Variants in PPP1R9A observed in about 807,000 individuals in gnomAD.
The protein encoded by PPP1R9A is neurabin-1.
In PPP1R9A, 59 loss-of-function variants were observed where a neutral mutation model predicts 141.9. That is an observed-to-expected ratio of 0.42 (90% CI 0.34 to 0.52). The LOEUF (loss-of-function observed/expected upper bound fraction) is 0.52, where lower values mean the gene tolerates loss of function less well. Ranked by LOEUF, PPP1R9A falls within the 20% of genes least tolerant of loss-of-function variation. The probability of loss-of-function intolerance (pLI) is 0.10; values close to 1 mark genes in which losing one functional copy is unlikely to be tolerated. For synonymous variants in PPP1R9A, 500 were observed against 569.7 expected, an observed-to-expected ratio of 0.88 and a Z score of 1.74; for missense variants, 1,444 against 1,611.9, an observed-to-expected ratio of 0.90 and a Z score of 1.78.
At chr7:95,130,767 T>A (rs986744752) in intron 4 of PPP1R9A, among the ~76,000 whole-genome samples, 17 of 152,034 alleles carry the variant, frequency 1.1e-4, no homozygotes, top group Admixed American at 3.3e-4. Flanking sequence ...TCAAAGGAGA[T>A]CATTTTGGAA....
At chr7:94,954,058 C>G (rs1440342349) in intron 2 of PPP1R9A, among the ~76,000 whole-genome samples, 1 of 152,018 alleles carries the variant, frequency 6.6e-6, no homozygotes, top group Non-Finnish European at 1.5e-5. Context: ...GGGAATGCTT[C>G]CAGTTTTGGG....
chr7:95,287,207 GA>G, intron 18 of PPP1R9A: 2 of 1,531,386 alleles, frequency 1.3e-6, no homozygotes, highest in South Asian at 2.2e-5. Context: ...CTTTGGAGAT[GA>G]CTGAAAAATC....
chr7:95,174,012 G>A (rs1041790149), intron 5 of PPP1R9A, among the ~76,000 whole-genome samples: 5 of 151,928 alleles, frequency 3.3e-5, no homozygotes, highest in African/African-American at 4.8e-5. Flanking sequence ...TCCGCACCTC[G>A]GTATTTACTC....
Position 95,226,059 on chromosome 7 carries a change from G to A in PPP1R9A, c.2055G>A (p.Glu685=), listed in dbSNP as rs768509363. The change falls in exon 8 of 20, where the codon GAG becomes GAA. Residue 685 remains glutamate (E), a synonymous_variant. Coordinates refer to ENST00000433360, the MANE Select transcript of PPP1R9A (RefSeq NM_001166160.2). ...AAGTCTTTGAGCTGCCTGAGAATGAGGACATGTTTTCCCCATCAGAACTGG... is the reference window on the plus strand; with the variant it reads ...AAGTCTTTGAGCTGCCTGAGAATGAAGACATGTTTTCCCCATCAGAACTGG... The part of the protein sequence containing the change: ...AIEVFELPEN[E]DMFSPSELDT... 3 of 1,613,550 alleles carry A rather than the reference G, an allele frequency of 1.9e-6. No individual in the cohort carries two copies. In the South Asian group the frequency reaches 3.3e-5, roughly 18 times the overall value.
intron 4 of PPP1R9A, among the ~76,000 whole-genome samples, chr7:95,121,452 T>C (rs1196520557): frequency 8.0e-6 from 1 of 125,722 alleles, no homozygotes; most frequent in African/African-American, 3.0e-5. Context: ...TGTCTGTCTG[T>C]CTGTCTGTCT....
At chr7:95,135,479 A>G (rs576738002) in intron 4 of PPP1R9A, among the ~76,000 whole-genome samples, 1 of 152,010 alleles carries the variant, frequency 6.6e-6, no homozygotes, top group African/African-American at 2.4e-5. Context: ...CAGGATGCTT[A>G]TTTTCAGACA....
intron 7 of PPP1R9A, among the ~76,000 whole-genome samples, chr7:95,224,904 C>CT (rs1182193437): frequency 6.6e-6 from 1 of 151,948 alleles, no homozygotes; most frequent in Non-Finnish European, 1.5e-5. Context: ...AACGTGCTAC[C>CT]TGAAGGAACA....
chr7:94,951,418 A>G (rs531894287), intron 2 of PPP1R9A, among the ~76,000 whole-genome samples: 3 of 152,092 alleles, frequency 2.0e-5, no homozygotes, highest in Middle Eastern at 3.4e-3. Context: ...ATTGCCATTT[A>G]TTTATTTGCC....
rs1415905881 is a variant in PPP1R9A at position 95,072,687 on chromosome 7, A to G, written c.1396-38572A>G. 4.3e-5 allele frequency among the ~76,000 whole-genome samples: 5 copies of G among 116,726 alleles called. No individual in the cohort carries two copies. In the South Asian group the frequency reaches 1.2e-3, roughly 27 times the overall value. 76.6% of individuals were successfully genotyped at this position (116,726 alleles called of 152,430 possible). A position where few individuals can be genotyped will look rare whatever the true frequency, so the allele number is the denominator to read the frequency against. On this transcript the variant is annotated intron_variant, in intron 2 of 19. Coordinates refer to ENST00000433360, the MANE Select transcript of PPP1R9A (RefSeq NM_001166160.2). Reference sequence around the variant, plus strand: ...TATTATATATTATATTACATATTATATATTATGTAATATAATATATAATAT... The same window carrying G: ...TATTATATATTATATTACATATTATGTATTATGTAATATAATATATAATAT...
chr7:94,937,066 C>T (rs945065700), intron 2 of PPP1R9A, among the ~76,000 whole-genome samples: 1 of 151,988 alleles, frequency 6.6e-6, no homozygotes, highest in Non-Finnish European at 1.5e-5. Context: ...TATAAATGTG[C>T]CCTAACTTAT....
chr7:94,933,685 T>A (rs1392990450), intron 2 of PPP1R9A, among the ~76,000 whole-genome samples: 1 of 152,180 alleles, frequency 6.6e-6, no homozygotes, highest in Non-Finnish European at 1.5e-5. Flanking sequence ...AGTAAAGGGC[T>A]TTATTTATGC....
intron 2 of PPP1R9A, among the ~76,000 whole-genome samples, chr7:95,033,939 C>A (rs1168059756): frequency 2.0e-5 from 3 of 152,046 alleles, no homozygotes; most frequent in Non-Finnish European, 4.4e-5. Context: ...AATAAATATT[C>A]ATATCTCATA....
At chr7:95,119,734 G>C (rs569130061) in intron 3 of PPP1R9A, among the ~76,000 whole-genome samples, 1 of 151,896 alleles carries the variant, frequency 6.6e-6, no homozygotes, top group Non-Finnish European at 1.5e-5. Context: ...GATTACAGAC[G>C]TGAGCCACTG....
intron 2 of PPP1R9A, among the ~76,000 whole-genome samples, chr7:94,918,002 G>A (rs954959307): frequency 6.6e-6 from 1 of 152,142 alleles, no homozygotes; most frequent in Non-Finnish European, 1.5e-5. Context: ...GATAAATTCT[G>A]TATAAACAAA....
In PPP1R9A at chr7:95,268,671, T is replaced by C. The variant is rs779986087; in HGVS notation, c.2787T>C (p.Val929=). The C allele has an allele frequency of 1.9e-6, 3 of 1,613,318 alleles. No homozygotes were observed. The South Asian group carries it at 3.3e-5, about 18-fold the overall frequency. ...CTAGGACAAGACTGTATGATAGTGTTAGTTCCACAGATGGGGAGGACAGTC... is the reference window on the plus strand; with the variant it reads ...CTAGGACAAGACTGTATGATAGTGTCAGTTCCACAGATGGGGAGGACAGTC... ...RPSRTRLYDS[V]SSTDGEDSLE... is the part of the protein sequence containing the mutation. Residue 929 remains valine, a synonymous_variant, in exon 13 of 20, where the codon GTT becomes GTC. Coordinates refer to ENST00000433360, the MANE Select transcript of PPP1R9A (RefSeq NM_001166160.2).
chr7:95,146,736 C>A (rs1404650856), intron 4 of PPP1R9A, among the ~76,000 whole-genome samples: 2 of 152,184 alleles, frequency 1.3e-5, no homozygotes, highest in Admixed American at 6.5e-5. Context: ...TTTCTCAACA[C>A]CATTTATTAA....
chr7:95,092,914 T>A (rs1817548322), intron 2 of PPP1R9A, among the ~76,000 whole-genome samples: 1 of 152,184 alleles, frequency 6.6e-6, no homozygotes, highest in African/African-American at 2.4e-5. Context: ...TCTCCTGTAT[T>A]AAACTGTGTT....
intron 2 of PPP1R9A, among the ~76,000 whole-genome samples, chr7:95,026,725 G>A (rs577263782): frequency 1.4e-4 from 21 of 152,140 alleles, no homozygotes; most frequent in Non-Finnish European, 2.8e-4. Flanking sequence ...GGAGATGGGG[G>A]TTTTATTTAT....
At chr7:95,038,682 A>G (rs1027625270) in intron 2 of PPP1R9A, among the ~76,000 whole-genome samples, 2 of 152,180 alleles carry the variant, frequency 1.3e-5, no homozygotes, top group African/African-American at 4.8e-5. Flanking sequence ...AAAAACTTGT[A>G]AAGGTCACAG....
Sources: allele counts gnomAD v4.1 joint callset (sites outside exome capture counted in the v4.1 genomes callset), GRCh38; gene constraint gnomAD v4.1.1; transcripts MANE v1.5; gene names NCBI Gene and HGNC (gene_info 2026-07-23, HGNC 2026-07-21).